KCNH7: variants seen among roughly 807,000 people sequenced by gnomAD.
KCNH7 encodes potassium voltage-gated channel subfamily H member 7.
In KCNH7, 49 loss-of-function variants were observed where a neutral mutation model predicts 120.8. That is an observed-to-expected ratio of 0.41 (90% confidence interval 0.32 to 0.51). KCNH7 has a LOEUF of 0.51. Ranked by LOEUF, KCNH7 falls within the 20% of genes least tolerant of loss-of-function variation. The pLI is 0.38. For synonymous variants in KCNH7, 547 were observed against 516.1 expected (o/e 1.06, Z -0.81); for missense variants, 1,097 against 1,446.6 (o/e 0.76, Z 3.92).
chr2:162,601,714 C>T (rs1206810461), intron 2 of KCNH7, among the ~76,000 whole-genome samples: 2 of 151,982 alleles, frequency 1.3e-5, no homozygotes, highest in African/African-American at 4.8e-5. Context: ...TAGAAAGTTA[C>T]ATTAAATATT....
chr2:162,490,680 G>C (rs1402586027), intron 6 of KCNH7, among the ~76,000 whole-genome samples: 1 of 152,196 alleles, frequency 6.6e-6, no homozygotes, highest in Non-Finnish European at 1.5e-5. Context: ...CAGGATGCTA[G>C]ATAGGACCCC....
intron 14 of KCNH7, among the ~76,000 whole-genome samples, chr2:162,379,290 G>A (rs925941878): frequency 5.9e-5 from 9 of 152,082 alleles, no homozygotes; most frequent in Admixed American, 2.0e-4. Context: ...AAGAAACCAC[G>A]CAGACTTAGG....
chr2:162,640,355 A>G (rs1330900439), intron 2 of KCNH7, among the ~76,000 whole-genome samples: 1 of 152,150 alleles, frequency 6.6e-6, no homozygotes, highest in African/African-American at 2.4e-5. Context: ...ATAGATGCAT[A>G]GATCCATGGA....
At chr2:162,400,585 A>G in intron 9 of KCNH7, 144 bp from the exon 10 acceptor site, 2 of 756,302 alleles carry the variant, frequency 2.6e-6, no homozygotes, top group Middle Eastern at 3.3e-4. Flanking sequence ...GCCTACCTTA[A>G]TGAATACTTG....
intron 2 of KCNH7, among the ~76,000 whole-genome samples, chr2:162,703,295 A>C (rs945725540): frequency 7.9e-5 from 12 of 152,108 alleles, no homozygotes; most frequent in Non-Finnish European, 8.8e-5. Context: ...AATATATCTA[A>C]GGTCAAATAC....
chr2:162,591,945 T>C (rs1361436333), intron 2 of KCNH7, among the ~76,000 whole-genome samples: 3 of 152,100 alleles, frequency 2.0e-5, no homozygotes, highest in Admixed American at 6.6e-5. Flanking sequence ...GTTAGTAACT[T>C]TCTGAGAAAA....
chr2:162,646,344 TATG>T (rs1256017902), intron 2 of KCNH7, among the ~76,000 whole-genome samples: 5 of 152,176 alleles, frequency 3.3e-5, no homozygotes, highest in Non-Finnish European at 7.4e-5. Context: ...GCCCATAACC[TATG>T]TTGTCCTCTC....
intron 6 of KCNH7, chr2:162,502,359 G>A (rs1690714457): frequency 6.6e-6 from 1 of 152,006 alleles, no homozygotes; most frequent in African/African-American, 2.4e-5. Flanking sequence ...ATAATGACAT[G>A]ACATTGCTTG....
chr2:162,521,233 G>T (rs997205793), intron 3 of KCNH7, among the ~76,000 whole-genome samples: 11 of 151,896 alleles, frequency 7.2e-5, no homozygotes, highest in Non-Finnish European at 1.3e-4. Context: ...AGCTCTGACT[G>T]AATGACTTGG....
chr2:162,716,952 G>GA (rs11390968), intron 2 of KCNH7, among the ~76,000 whole-genome samples: 7,031 of 152,068 alleles, frequency 0.046, 525 homozygotes, highest in African/African-American at 0.15. Flanking sequence ...TGTGATTATA[G>GA]AAAAAATCAT....
At chr2:162,507,694 T>C (rs1306389211) in intron 5 of KCNH7, among the ~76,000 whole-genome samples, 1 of 151,640 alleles carries the variant, frequency 6.6e-6, no homozygotes, top group African/African-American at 2.4e-5. Context: ...GAAGGTATCA[T>C]TTTGACACTA....
chr2:162,613,362 T>G (rs998353605), intron 2 of KCNH7, among the ~76,000 whole-genome samples: 5 of 151,942 alleles, frequency 3.3e-5, no homozygotes, highest in African/African-American at 1.2e-4. Flanking sequence ...ACATAGAATT[T>G]TATTCAAAGG....
At position 162,371,901 on chromosome 2, in the gene KCNH7, A is replaced by G. The variant is rs761360521; in HGVS notation, c.3519T>C (p.Asp1173=). ...VHPIRHPSLP[D]SSLSTVGIVG... is the part of the protein sequence containing the mutation. The stretch of plus-strand genomic sequence containing the variant: ...CGATTCCTACAGTGCTTAGGGATGA[A>G]TCTGGCAAAGAAGGATGCCTAATTG... The change falls in exon 16 of 16, where the codon GAT becomes GAC. Residue 1173 remains aspartate (D), a synonymous_variant. Transcript: ENST00000332142. 1 of 1,613,820 alleles carries G rather than the reference A, an allele frequency of 6.2e-7. No homozygotes were observed. The highest frequency in any genetic ancestry group is 1.1e-5 in the South Asian group (1 of 91,068).
chr2:162,666,708 T>C (rs1685144469), intron 2 of KCNH7, among the ~76,000 whole-genome samples: 1 of 152,156 alleles, frequency 6.6e-6, no homozygotes, highest in Admixed American at 6.5e-5. Flanking sequence ...TACCATCCTT[T>C]ACTTCTTTTT....
Position 162,518,012 on chromosome 2 carries a change from T to C in KCNH7, c.610A>G (p.Thr204Ala), listed in dbSNP as rs1304668733. 5 of 1,612,484 alleles carry C rather than the reference T, an allele frequency of 3.1e-6. No homozygotes were observed. The highest frequency in any genetic ancestry group is 4.2e-6 in the Non-Finnish European group (5 of 1,178,920). The change falls in exon 4 of 16, where the codon ACA becomes GCA. Residue 204 changes from threonine (T) to alanine (A), a missense_variant. Physicochemically the swap from Thr to Ala is moderately conservative, Grantham distance 58. Transcript: ENST00000332142. ...TCAGAGGGGCTGCAGCTTTCTTTTG[T>C]AGGAGACTTAAAATGCTTCATGGCT... ...SVAMKHFKSP[T>A]KESCSPSEAD...
intron 2 of KCNH7, among the ~76,000 whole-genome samples, chr2:162,689,022 C>T (rs1045571394): frequency 4.6e-5 from 7 of 151,968 alleles, no homozygotes; most frequent in African/African-American, 1.7e-4. Flanking sequence ...CAATAATGTT[C>T]CCCAATTGCC....
At chr2:162,589,210 T>C (rs965036549) in intron 2 of KCNH7, among the ~76,000 whole-genome samples, 48 of 152,074 alleles carry the variant, frequency 3.2e-4, no homozygotes, top group African/African-American at 1.1e-3. Context: ...CGACTCCCAG[T>C]GCAGGCCATA....
At chr2:162,708,475 T>C (rs1686796609) in intron 2 of KCNH7, among the ~76,000 whole-genome samples, 3 of 152,200 alleles carry the variant, frequency 2.0e-5, no homozygotes, top group African/African-American at 7.2e-5. Context: ...TAGTTTCCTC[T>C]CTAGGGGAAC....
intron 2 of KCNH7, among the ~76,000 whole-genome samples, chr2:162,777,866 T>C (rs898125161): frequency 6.6e-6 from 1 of 152,158 alleles, no homozygotes; most frequent in African/African-American, 2.4e-5. Flanking sequence ...TAAATTGAAC[T>C]AACAGTAATT....
Sources: allele counts gnomAD v4.1 joint callset (sites outside exome capture counted in the v4.1 genomes callset), GRCh38; gene constraint gnomAD v4.1.1; transcripts MANE v1.5; gene names NCBI Gene and HGNC (gene_info 2026-07-23, HGNC 2026-07-21).